GYPC: variants seen among roughly 807,000 people sequenced by gnomAD.
The protein encoded by GYPC is glycophorin-C.
GYPC carries 14 observed loss-of-function variants against 12.6 expected under a neutral mutation model. That is an observed-to-expected ratio of 1.11 (90% CI 0.74 to 1.74). GYPC has a LOEUF of 1.74. GYPC is among the 40% of genes most tolerant of loss of function. GYPC has a pLI of 0.00. For synonymous variants in GYPC, 78 were observed against 62.1 expected (o/e 1.26, Z -1.20); for missense variants, 225 against 172.1 (o/e 1.31, Z -1.72).
At chr2:126,671,224 C>T (rs1009844833) in intron 1 of GYPC, among the ~76,000 whole-genome samples, 16 of 152,222 alleles carry the variant, frequency 1.1e-4, no homozygotes, top group Admixed American at 8.5e-4. Context: ...TCCCCTCTCT[C>T]CTGCCCTCCT....
intron 2 of GYPC, among the ~76,000 whole-genome samples, chr2:126,691,598 T>G (rs550272119): frequency 6.6e-6 from 1 of 152,168 alleles, no homozygotes; most frequent in African/African-American, 2.4e-5. Flanking sequence ...AATAGCCTCA[T>G]TTTTCCCCCT....
At chr2:126,683,876 C>A (rs1050200013) in intron 1 of GYPC, among the ~76,000 whole-genome samples, 1 of 152,182 alleles carries the variant, frequency 6.6e-6, no homozygotes. Context: ...TGCTTCATCC[C>A]AATTTACTGA....
chr2:126,656,251 C>G lies in GYPC; in HGVS notation c.-13C>G, dbSNP rs1048392557. 9 of 1,600,552 alleles carry G rather than the reference C, an allele frequency of 5.6e-6. No homozygotes were observed. The highest frequency in any genetic ancestry group is 7.7e-6 in the Non-Finnish European group (9 of 1,175,450). ...CCAGTCCCCGCGGTCTCTGCCCGGG[C>G]TGACGCCCAGGAATGTGGTCGACGA... On this transcript the variant is annotated 5_prime_UTR_variant, in exon 1 of 4. Coordinates refer to ENST00000259254, the MANE Select transcript of GYPC (RefSeq NM_002101.5).
chr2:126,685,533 C>T (rs1045771614), intron 1 of GYPC, among the ~76,000 whole-genome samples: 3 of 152,054 alleles, frequency 2.0e-5, no homozygotes, highest in African/African-American at 7.2e-5. Flanking sequence ...TACAGGCACC[C>T]GCCAGCATGC....
intron 1 of GYPC, among the ~76,000 whole-genome samples, chr2:126,679,185 A>T (rs1245573039): frequency 6.6e-6 from 1 of 152,194 alleles, no homozygotes; most frequent in African/African-American, 2.4e-5. Flanking sequence ...AGGGCACCCA[A>T]ATGTGACACC....
At chr2:126,690,448 G>C (rs370187059) in intron 2 of GYPC, 137 bp downstream of exon 2, 5 of 735,148 alleles carry the variant, frequency 6.8e-6, no homozygotes, top group Non-Finnish European at 1.2e-5. Flanking sequence ...CTAAGGACTT[G>C]GACAGGGGTG....
intron 2 of GYPC, among the ~76,000 whole-genome samples, chr2:126,692,216 T>C (rs1348139972): frequency 6.6e-6 from 1 of 152,104 alleles, no homozygotes; most frequent in African/African-American, 2.4e-5. Flanking sequence ...GAGACCCAGA[T>C]CCTGAGCCAG....
At chr2:126,680,707 T>C (rs1683128411) in intron 1 of GYPC, among the ~76,000 whole-genome samples, 1 of 151,854 alleles carries the variant, frequency 6.6e-6, no homozygotes, top group Non-Finnish European at 1.5e-5. Flanking sequence ...AGGGAAAGGG[T>C]GAAAGGAGCA....
At chr2:126,686,541 G>A (rs185425075) in intron 1 of GYPC, 275 of 985,376 alleles carry the variant, frequency 2.8e-4, no homozygotes, top group Non-Finnish European at 3.1e-4. Context: ...TCCCCAGAAG[G>A]CTTTCAAACA....
intron 1 of GYPC, among the ~76,000 whole-genome samples, chr2:126,666,432 C>T (rs955994117): frequency 2.0e-5 from 3 of 152,236 alleles, no homozygotes; most frequent in Non-Finnish European, 4.4e-5. Context: ...TCTGTTTCCA[C>T]TCTTCATTCG....
intron 2 of GYPC, 140 bp from the exon 3 acceptor site, chr2:126,693,724 G>A (rs879381627): frequency 2.1e-5 from 15 of 730,274 alleles, no homozygotes; most frequent in Non-Finnish European, 3.8e-5. Flanking sequence ...GGAGCAGTGG[G>A]TGCGCCGCAC....
At chr2:126,671,303 G>A (rs1325113538) in intron 1 of GYPC, among the ~76,000 whole-genome samples, 1 of 152,208 alleles carries the variant, frequency 6.6e-6, no homozygotes, top group East Asian at 1.9e-4. Flanking sequence ...CCACCTCACT[G>A]GGCAGGTGCC....
intron 1 of GYPC, chr2:126,678,266 A>G (rs1397257759): frequency 2.0e-5 from 3 of 152,192 alleles, no homozygotes; most frequent in Non-Finnish European, 4.4e-5. Context: ...AAAGAAAAGA[A>G]AGAAAAAAAT....
At chr2:126,657,888 G>C (rs146283766) in intron 1 of GYPC, 1 of 153,242 alleles carries the variant, frequency 6.5e-6, no homozygotes, top group African/African-American at 2.4e-5. Flanking sequence ...GAGAACTGCA[G>C]GGGGGGTGGG....
Position 126,656,181 on chromosome 2 carries a change from G to C in GYPC, c.-83G>C, listed in dbSNP as rs1029846286. The C allele has an allele frequency of 2.0e-6, 3 of 1,526,816 alleles. No homozygotes were observed. The highest frequency in any genetic ancestry group is 1.2e-5 in the South Asian group (1 of 82,636). The allele number at this position is 1,526,816 out of a possible 1,614,324, so 94.6% of individuals were successfully genotyped here. On this transcript the variant is annotated 5_prime_UTR_variant, in exon 1 of 4. Transcript: ENST00000259254. ...TTCCTCTCGCCGCCGAGGGTCAGGA[G>C]CCCGGGAGCGCGACCCTCCCCCGGC...
At chr2:126,695,460 G>T (rs1449687359) in intron 3 of GYPC, among the ~76,000 whole-genome samples, 2 of 152,162 alleles carry the variant, frequency 1.3e-5, no homozygotes, top group African/African-American at 2.4e-5. Context: ...CATGGGGAAG[G>T]AATGAACTGG....
chr2:126,675,031 G>T (rs1682957362), intron 1 of GYPC, among the ~76,000 whole-genome samples: 2 of 152,152 alleles, frequency 1.3e-5, no homozygotes, highest in Non-Finnish European at 2.9e-5. Context: ...CTGAACATGG[G>T]TGTTTCTGAA....
At chr2:126,668,552 C>T (rs1230266300) in intron 1 of GYPC, among the ~76,000 whole-genome samples, 1 of 152,262 alleles carries the variant, frequency 6.6e-6, no homozygotes, top group African/African-American at 2.4e-5. Flanking sequence ...AATGCACACA[C>T]AGCTGTTTAT....
chr2:126,680,886 T>G (rs991696621), intron 1 of GYPC, among the ~76,000 whole-genome samples: 1 of 152,182 alleles, frequency 6.6e-6, no homozygotes. Context: ...AACAACAGCC[T>G]GACGCCTGCT....
Sources: gnomAD v4.1 joint callset for allele counts (sites outside exome capture counted in the v4.1 genomes callset) on GRCh38, gnomAD v4.1.1 for gene constraint, MANE v1.5 for transcripts, NCBI Gene and HGNC (gene_info 2026-07-23, HGNC 2026-07-21) for gene names.